Variants in GCNT4 observed in about 807,000 individuals in gnomAD.
The protein encoded by GCNT4 is glucosaminyl (N-acetyl) transferase 4.
A neutral mutation model predicts 31.3 loss-of-function variants in GCNT4; 17 were observed. The observed-to-expected ratio is 0.54, with a 90% CI of 0.37 to 0.81. The LOEUF is 0.81. Among genes scored for constraint, GCNT4 ranks in the 40% least tolerant of loss-of-function variants. The pLI is 0.00. For missense variants in GCNT4, 503 were observed against 525.5 expected (o/e 0.96, Z 0.42); for synonymous variants, 158 against 190.6 (o/e 0.83, Z 1.41).
At chr5:75,018,865 G>T in the GCNT4 span, among the ~76,000 whole-genome samples, 1 of 152,120 alleles carries the variant, frequency 6.6e-6, no homozygotes, top group South Asian at 2.1e-4. Context: ...GCCAAGCCAG[G>T]TCAGGGGAAG....
downstream of GCNT4, among the ~76,000 whole-genome samples, chr5:75,023,592 A>G (rs1382013512): frequency 6.6e-6 from 1 of 152,188 alleles, no homozygotes; most frequent in African/African-American, 2.4e-5. Context: ...TTGTGGTATG[A>G]CCATTACATA....
In GCNT4 at chr5:75,028,448, C is replaced by T. The variant is rs1742993382; in HGVS notation, c.*228G>A. 1 of 506,178 alleles carries T rather than the reference C, an allele frequency of 2.0e-6. No individual in the cohort carries two copies. Among genetic ancestry groups the T allele is most frequent in the East Asian group, 3.2e-5 (1 of 31,032 alleles). 31.4% of individuals were successfully genotyped at this position (506,178 alleles called of 1,614,324 possible). ...ATGACTGACTGAATGTTTAAGATCT[C>T]TGATTTGGCTCAGTGAGATTACAAG... On this transcript the variant is annotated 3_prime_UTR_variant, in exon 4 of 4. Transcript: ENST00000652361.
Position 75,029,547 on chromosome 5 carries a change from T to C in GCNT4, c.491A>G (p.Tyr164Cys), listed in dbSNP as rs116322669. The change falls in exon 4 of 4, where the codon TAT becomes TGT. Residue 164 changes from tyrosine (Y) to cysteine (C), a missense_variant. Physicochemically the swap from Tyr to Cys is radical, Grantham distance 194 (BLOSUM62 -2). Transcript: ENST00000652361. ...GAAGGTATCAGGTGCCTTACGATCA[T>C]AATGGATGCAGTAAATATTGTGCTG... is the stretch of plus-strand genomic sequence containing the variant. Reference protein sequence around the residue: ...YNQHNIYCIHYDRKAPDTFKV... With the variant: ...YNQHNIYCIHCDRKAPDTFKV... The C allele has an allele frequency of 3.0e-3, 4,781 of 1,614,194 alleles. 9 individuals are homozygous for C. Among genetic ancestry groups the C allele is most frequent in the Non-Finnish European group, 3.8e-3 (4,460 of 1,180,036 alleles).
intron 3 of GCNT4, among the ~76,000 whole-genome samples, chr5:75,037,846 C>G (rs1340834752): frequency 6.6e-6 from 1 of 151,614 alleles, no homozygotes; most frequent in Non-Finnish European, 1.5e-5. Flanking sequence ...CCAGTGCACT[C>G]CAGCCTGGGC....
Position 75,026,940 on chromosome 5 carries a change from T to C in GCNT4, c.*1736A>G, listed in dbSNP as rs897214628. 6.6e-6 allele frequency: 1 copy of C among 151,990 alleles called. No individual in the cohort carries two copies. Among genetic ancestry groups the C allele is most frequent in the African/African-American group, 2.4e-5 (1 of 41,406 alleles). The allele number at this position is 151,990 out of a possible 1,614,324, so 9.4% of individuals were successfully genotyped here. On this transcript the variant is annotated 3_prime_UTR_variant, in exon 4 of 4. Transcript: ENST00000652361. The stretch of plus-strand genomic sequence containing the variant: ...TCAAGAGAAGAAAGGGAGCGAGAAG[T>C]GGTGTCAGTTGGCAGTTAGTATTAT...
At chr5:75,042,381 T>A (rs531547608) in intron 3 of GCNT4, among the ~76,000 whole-genome samples, 2 of 152,358 alleles carry the variant, frequency 1.3e-5, no homozygotes, top group African/African-American at 2.4e-5. Flanking sequence ...ATGCTTTTTT[T>A]TCCCCCTCAG....
downstream of GCNT4, among the ~76,000 whole-genome samples, chr5:75,022,089 C>T (rs1742886622): frequency 6.6e-6 from 1 of 152,188 alleles, no homozygotes; most frequent in Non-Finnish European, 1.5e-5. Flanking sequence ...GGCCATCTCA[C>T]TAGCATACAT....
At chr5:75,017,781 C>T in the GCNT4 span, among the ~76,000 whole-genome samples, 2 of 152,176 alleles carry the variant, frequency 1.3e-5, no homozygotes, top group African/African-American at 4.8e-5. Context: ...CCAATTCCTG[C>T]TGCCACTACA....
intron 3 of GCNT4, among the ~76,000 whole-genome samples, chr5:75,035,066 T>C: frequency 1.9e-5 from 2 of 103,652 alleles, no homozygotes; most frequent in African/African-American, 4.7e-5. Flanking sequence ...CACGACCGCA[T>C]TCAGGGACAC....
chr5:75,037,152 T>C (rs7708899), intron 3 of GCNT4, among the ~76,000 whole-genome samples: 26,944 of 152,130 alleles, frequency 0.18, 2,472 homozygotes, highest in Middle Eastern at 0.23. Flanking sequence ...CCTGATCTAG[T>C]TGAATAAGCT....
rs937571674 is a variant in GCNT4 at position 75,028,998 on chromosome 5, C to T, written c.1040G>A (p.Gly347Glu). 1 of 1,614,040 alleles carries T rather than the reference C, an allele frequency of 6.2e-7. No homozygotes were observed. Among genetic ancestry groups the T allele is most frequent in the Non-Finnish European group, 8.5e-7 (1 of 1,179,998 alleles). ...HFWATLIRVP[G>E]IPGEISRSAQ... The stretch of plus-strand genomic sequence containing the variant: ...TGATCTGGAAATCTCCCCAGGTATT[C>T]CTGGAACCCGAATCAAGGTAGCCCA... Residue 347 changes from glycine (G) to glutamate (E), a missense_variant, in exon 4 of 4, where the codon GGA (glycine) becomes GAA (glutamate). Transcript: ENST00000652361.
Position 75,029,638 on chromosome 5 carries a change from C to A in GCNT4, c.400G>T (p.Ala134Ser). ...TCTTTGTGGACAACCAAAGAATAGG[C>A]TATTGGGAAGCTTTTCTCCTCCTTT... The part of the protein sequence containing the change: ...VSKEEKSFPI[A>S]YSLVVHKDAI... The change falls in exon 4 of 4, where the codon GCC becomes TCC. Residue 134 changes from alanine to serine, a missense_variant. By Grantham distance (99) the Ala-to-Ser change is moderately conservative. Coordinates refer to ENST00000652361, the MANE Select transcript of GCNT4 (RefSeq NM_001366737.1). 2 of 1,614,086 alleles carry A rather than the reference C, an allele frequency of 1.2e-6. No homozygotes were observed. The highest frequency in any genetic ancestry group is 2.2e-5 in the South Asian group (2 of 91,070).
the GCNT4 span, among the ~76,000 whole-genome samples, chr5:75,017,190 T>G: frequency 6.6e-6 from 1 of 152,196 alleles, no homozygotes; most frequent in Non-Finnish European, 1.5e-5. Flanking sequence ...GATTTACAGT[T>G]GTTTTTGAAT....
chr5:75,039,632 T>C (rs747568286), intron 3 of GCNT4, among the ~76,000 whole-genome samples: 12 of 152,210 alleles, frequency 7.9e-5, no homozygotes, highest in Non-Finnish European at 1.5e-4. Context: ...AATTCGAGAC[T>C]GCCTTTCCAA....
At chr5:75,048,749 G>A (rs1743502510) in intron 2 of GCNT4, among the ~76,000 whole-genome samples, 2 of 152,172 alleles carry the variant, frequency 1.3e-5, no homozygotes. Flanking sequence ...GACACCCTGA[G>A]AAATGAGTTC....
chr5:75,021,098 C>T (rs1742875833), downstream of GCNT4, among the ~76,000 whole-genome samples: 1 of 152,098 alleles, frequency 6.6e-6, no homozygotes. Context: ...GTAAATGAAC[C>T]TAAGGGCAGG....
chr5:75,021,126 A>G (rs1248870370), downstream of GCNT4, among the ~76,000 whole-genome samples: 2 of 152,192 alleles, frequency 1.3e-5, no homozygotes, highest in Non-Finnish European at 2.9e-5. Flanking sequence ...GGTGTCACCA[A>G]TGATTGATTG....
chr5:75,052,346 C>G (rs927346397), intron 1 of GCNT4, 83 bp downstream of exon 1: 7 of 152,096 alleles, frequency 4.6e-5, no homozygotes, highest in Admixed American at 1.3e-4. Context: ...TACACTGTTT[C>G]CCAGACTACG....
chr5:75,050,235 C>T (rs1743537855), intron 2 of GCNT4, among the ~76,000 whole-genome samples: 1 of 152,198 alleles, frequency 6.6e-6, no homozygotes, highest in South Asian at 2.1e-4. Context: ...TGAAGTAAAT[C>T]ACTCGCAGTC....
Sources: allele counts gnomAD v4.1 joint callset (sites outside exome capture counted in the v4.1 genomes callset), GRCh38; gene constraint gnomAD v4.1.1; transcripts MANE v1.5; gene names NCBI Gene and HGNC (gene_info 2026-07-23, HGNC 2026-07-21).